The following DIAPH3 variants were observed in gnomAD, a reference collection of about 807,000 sequenced individuals.
DIAPH3 encodes the protein diaphanous related formin 3.
A neutral mutation model predicts 144.3 loss-of-function variants in DIAPH3; 117 were observed. The ratio of observed to expected loss-of-function variants is 0.81; its 90% CI spans 0.70 to 0.95. The LOEUF is 0.95. Ranked by LOEUF, DIAPH3 falls within the 40% of genes least tolerant of loss-of-function variation. The pLI, the probability that DIAPH3 is intolerant of heterozygous loss-of-function variation, is 0.00. For synonymous variants in DIAPH3, 519 were observed against 488.9 expected, an observed-to-expected ratio of 1.06 and a Z score of -0.81; for missense variants, 1,421 against 1,412.7, an observed-to-expected ratio of 1.01 and a Z score of -0.09.
chr13:60,004,675 T>G lies in DIAPH3; in HGVS notation c.1014+3869A>C, dbSNP rs552426188. On this transcript the variant is annotated intron_variant, in intron 9 of 27. Transcript: ENST00000400324. ...ACATATCAGAAAAATGAGAAAGAAA[T>G]AAATTTGAATGATGCTAAAATAATC... Among the ~76,000 whole-genome samples, 366 of 152,146 alleles carry G rather than the reference T, an allele frequency of 2.4e-3. 1 individual carries two copies. Among genetic ancestry groups the G allele is most frequent in the African/African-American group, 7.9e-3 (327 of 41,528 alleles).
At chr13:59,804,305 T>C (rs1195227734) in intron 25 of DIAPH3, among the ~76,000 whole-genome samples, 3 of 152,168 alleles carry the variant, frequency 2.0e-5, no homozygotes, top group Non-Finnish European at 4.4e-5. Flanking sequence ...TATATAGGTA[T>C]AGTCTAGTGA....
intron 27 of DIAPH3, among the ~76,000 whole-genome samples, chr13:59,754,379 T>C (rs969778260): frequency 6.6e-6 from 1 of 152,138 alleles, no homozygotes; most frequent in African/African-American, 2.4e-5. Flanking sequence ...GTCTGACACG[T>C]AGTAAGTGGT....
intron 20 of DIAPH3, among the ~76,000 whole-genome samples, chr13:59,889,644 T>G (rs1232606262): frequency 1.3e-5 from 2 of 152,110 alleles, no homozygotes; most frequent in East Asian, 1.9e-4. Flanking sequence ...CCCATTTTAT[T>G]ATTCTTTAAT....
intron 4 of DIAPH3, among the ~76,000 whole-genome samples, chr13:60,068,655 C>T (rs2141335804): frequency 6.6e-6 from 1 of 152,334 alleles, no homozygotes; most frequent in South Asian, 2.1e-4. Context: ...TCCCACCCTC[C>T]ACCCTCAAGT....
At chr13:60,161,562 T>C (rs938111177) in intron 1 of DIAPH3, among the ~76,000 whole-genome samples, 1 of 152,194 alleles carries the variant, frequency 6.6e-6, no homozygotes, top group Non-Finnish European at 1.5e-5. Context: ...ATCAGTAGCA[T>C]GCCCAGGCTC....
intron 9 of DIAPH3, among the ~76,000 whole-genome samples, chr13:60,004,123 A>G (rs1391371915): frequency 6.6e-6 from 1 of 152,230 alleles, no homozygotes; most frequent in Non-Finnish European, 1.5e-5. Context: ...TTATTTTGCT[A>G]TCTCATTTTC....
intron 27 of DIAPH3, among the ~76,000 whole-genome samples, chr13:59,730,098 G>A (rs1470794652): frequency 2.0e-5 from 3 of 151,932 alleles, no homozygotes; most frequent in South Asian, 2.1e-4. Context: ...AAAAAACAGC[G>A]AGCCCTAAAT....
At chr13:59,681,962 T>C (rs2032974614) in intron 27 of DIAPH3, among the ~76,000 whole-genome samples, 1 of 152,320 alleles carries the variant, frequency 6.6e-6, no homozygotes, top group East Asian at 1.9e-4. Context: ...AAAGAAACTA[T>C]GAGACACTTC....
At position 59,992,161 on chromosome 13, in the gene DIAPH3, C is replaced by T; in HGVS notation, c.1151G>A (p.Gly384Asp). The change falls in exon 11 of 28, where the codon GGC becomes GAC. Residue 384 changes from glycine to aspartate, a missense_variant. Coordinates refer to ENST00000400324, the MANE Select transcript of DIAPH3 (RefSeq NM_001042517.2). ...AAAGACTTTAAGTTGGATATCCAGGCCATCATTCTTAATGCATTTTAAATT... is the reference window on the plus strand; with the variant it reads ...AAAGACTTTAAGTTGGATATCCAGGTCATCATTCTTAATGCATTTTAAATT... ...LPNLKCIKND[G>D]LDIQLKVFDE... 6.2e-7 allele frequency: 1 copy of T among 1,611,184 alleles called. No individual in the cohort carries two copies. The highest frequency in any genetic ancestry group is 1.1e-5 in the South Asian group (1 of 90,978).
At chr13:59,940,437 C>T (rs888860687) in intron 17 of DIAPH3, among the ~76,000 whole-genome samples, 3 of 152,114 alleles carry the variant, frequency 2.0e-5, no homozygotes, top group African/African-American at 7.2e-5. Context: ...CAAGCCAACG[C>T]AGAACAGAAC....
chr13:60,038,640 T>A (rs2055401914), intron 5 of DIAPH3, among the ~76,000 whole-genome samples: 1 of 152,212 alleles, frequency 6.6e-6, no homozygotes, highest in African/African-American at 2.4e-5. Context: ...AGAATCTCTT[T>A]AGAAATCTAA....
At chr13:60,097,311 T>G (rs541072241) in intron 3 of DIAPH3, among the ~76,000 whole-genome samples, 9 of 152,294 alleles carry the variant, frequency 5.9e-5, no homozygotes, top group Non-Finnish European at 1.0e-4. Context: ...CCCTCATGAA[T>G]AGATTAATGA....
At chr13:59,833,976 A>C (rs2041914762) in intron 23 of DIAPH3, among the ~76,000 whole-genome samples, 1 of 151,748 alleles carries the variant, frequency 6.6e-6, no homozygotes. Flanking sequence ...TAACCAAATT[A>C]GTGTTCCAAC....
chr13:59,689,151 G>A (rs2033374370), intron 27 of DIAPH3, among the ~76,000 whole-genome samples: 1 of 152,082 alleles, frequency 6.6e-6, no homozygotes, highest in Non-Finnish European at 1.5e-5. Flanking sequence ...CTGCAAGAAA[G>A]TCTCCTGAAA....
At chr13:60,044,038 G>A (rs891608259) in intron 4 of DIAPH3, among the ~76,000 whole-genome samples, 1 of 152,068 alleles carries the variant, frequency 6.6e-6, no homozygotes, top group Non-Finnish European at 1.5e-5. Flanking sequence ...GTGATGGAGG[G>A]AACTGTAGGT....
At chr13:59,979,993 A>G (rs2050899914) in intron 14 of DIAPH3, among the ~76,000 whole-genome samples, 1 of 151,656 alleles carries the variant, frequency 6.6e-6, no homozygotes, top group African/African-American at 2.4e-5. Context: ...CAATACCTTA[A>G]ATTTATGCCT....
At chr13:59,874,068 C>T (rs557210483) in intron 21 of DIAPH3, among the ~76,000 whole-genome samples, 1 of 152,046 alleles carries the variant, frequency 6.6e-6, no homozygotes, top group Non-Finnish European at 1.5e-5. Flanking sequence ...GCTTTTGGTT[C>T]CAGATCACCA....
intron 21 of DIAPH3, among the ~76,000 whole-genome samples, chr13:59,870,622 A>G (rs760228330): frequency 4.0e-5 from 6 of 150,518 alleles, no homozygotes; most frequent in Non-Finnish European, 8.9e-5. Flanking sequence ...AATGTCTATT[A>G]CTTTATTAGA....
intron 17 of DIAPH3, among the ~76,000 whole-genome samples, chr13:59,950,403 C>T (rs1000361729): frequency 5.3e-5 from 8 of 152,148 alleles, no homozygotes; most frequent in Admixed American, 4.6e-4. Flanking sequence ...TGTACGTTCA[C>T]TCATCCATCC....
Sources: gnomAD v4.1 joint callset for allele counts (sites outside exome capture counted in the v4.1 genomes callset) on GRCh38, gnomAD v4.1.1 for gene constraint, MANE v1.5 for transcripts, NCBI Gene and HGNC (gene_info 2026-07-23, HGNC 2026-07-21) for gene names.